Variants in CEMIP observed in about 807,000 individuals in gnomAD.
CEMIP encodes cell migration inducing hyaluronidase 1.
CEMIP carries 105 observed loss-of-function variants against 156.9 expected under a neutral mutation model. The ratio of observed to expected loss-of-function variants is 0.67; its 90% CI spans 0.57 to 0.79. The LOEUF (loss-of-function observed/expected upper bound fraction) is 0.79. Ranked by LOEUF, CEMIP falls within the 30% of genes least tolerant of loss-of-function variation. The pLI is 0.00. For synonymous variants in CEMIP, 676 were observed against 668.4 expected (o/e 1.01, Z -0.17); for missense variants, 1,457 against 1,769.4 (o/e 0.82, Z 3.17).
At chr15:80,924,837 T>G in intron 18 of CEMIP, 131 bp downstream of exon 18, 1 of 823,916 alleles carries the variant, frequency 1.2e-6, no homozygotes, top group Non-Finnish European at 2.1e-6. Flanking sequence ...TTTGAGCTAG[T>G]TGCTGGGGGT....
rs1215224679 is a variant in CEMIP, at chr15:80,950,258, GA to G, written c.*1337del. The G allele has an allele frequency of 6.6e-6, 1 of 152,304 alleles. No homozygotes were observed. Among genetic ancestry groups the G allele is most frequent in the Non-Finnish European group, 1.5e-5 (1 of 68,102 alleles). 9.4% of individuals were successfully genotyped at this position (152,304 alleles called of 1,614,324 possible). Reference sequence around the variant, plus strand: ...TGGGGAAAGTGAGCCCCCAAGATGGGAAAGAACCACACAGCTAAGGGAGGGC... The same window carrying G: ...TGGGGAAAGTGAGCCCCCAAGATGGGAAGAACCACACAGCTAAGGGAGGGC... On this transcript the variant is annotated 3_prime_UTR_variant, in exon 30 of 30. Transcript: ENST00000394685.
intron 19 of CEMIP, 97 bp from the exon 20 acceptor site, chr15:80,928,805 G>A: frequency 6.8e-7 from 1 of 1,480,336 alleles, no homozygotes; most frequent in Non-Finnish European, 9.4e-7. Flanking sequence ...ACGGTATTCA[G>A]TTTGACTCCA....
Position 80,931,840 on chromosome 15 carries a change from T to C in CEMIP, c.2613-19T>C, listed in dbSNP as rs1028776466. 5 of 1,611,652 alleles carry C rather than the reference T, an allele frequency of 3.1e-6. No homozygotes were observed. The highest frequency in any genetic ancestry group is 4.2e-6 in the Non-Finnish European group (5 of 1,177,796). ...ATGGAAAACATTTAGACTGACATCT[T>C]ACTTCCTTAACTCCGTAGGAATTTT... On this transcript the variant is annotated intron_variant, in intron 21 of 29. Transcript: ENST00000394685.
Position 80,949,025 on chromosome 15 carries a change from C to T in CEMIP, c.*101C>T. 6.6e-7 allele frequency: 1 copy of T among 1,515,126 alleles called. No individual in the cohort carries two copies. Among genetic ancestry groups the T allele is most frequent in the Non-Finnish European group, 9.1e-7 (1 of 1,095,550 alleles). The allele number at this position is 1,515,126 out of a possible 1,614,324, so 93.9% of individuals were successfully genotyped here. ...TGGGTCCCCCAGCCCCTGCCAGCAG[C>T]TGCCTGGGAAGGCCGTGTTTCAGCC... On this transcript the variant is annotated 3_prime_UTR_variant, in exon 30 of 30. Transcript: ENST00000394685.
intron 1 of CEMIP, among the ~76,000 whole-genome samples, chr15:80,845,949 C>T (rs1306260003): frequency 6.6e-6 from 1 of 152,184 alleles, no homozygotes; most frequent in African/African-American, 2.4e-5. Flanking sequence ...ACACACCCAC[C>T]TCAGACACTT....
chr15:80,897,092 C>T (rs565358146), intron 12 of CEMIP, among the ~76,000 whole-genome samples: 2 of 152,122 alleles, frequency 1.3e-5, no homozygotes, highest in South Asian at 4.2e-4. Flanking sequence ...AATGGCTGTT[C>T]CGCAAAGGAA....
At chr15:80,908,364 AT>A (rs1899894556) in intron 13 of CEMIP, among the ~76,000 whole-genome samples, 1 of 152,080 alleles carries the variant, frequency 6.6e-6, no homozygotes. Flanking sequence ...GTTGACACCT[AT>A]TTTTGGAAGA....
In CEMIP at chr15:80,901,531, G is replaced by A. The variant is rs567494022; in HGVS notation, c.1412-5132G>A. 7.0e-4 allele frequency among the ~76,000 whole-genome samples: 107 copies of A among 152,030 alleles called. 1 individual carries two copies. Among genetic ancestry groups the A allele is most frequent in the Middle Eastern group, 3.4e-3 (1 of 294 alleles). On this transcript the variant is annotated intron_variant, in intron 12 of 29. Transcript: ENST00000394685. ...AGCCTGGCCAACATAGTGAAACCCC[G>A]TCTCTACTAAAAATACAAAAATTAA... is the stretch of plus-strand genomic sequence containing the variant.
At position 80,950,519 on chromosome 15, in the gene CEMIP, A is replaced by G. The variant is rs1208194854; in HGVS notation, c.*1595A>G. ...CCCTGTGGCCTTCACTTTGTTCACT[A>G]CCTGTCAGCCCAGCCTGGGTGCACA... On this transcript the variant is annotated 3_prime_UTR_variant, in exon 30 of 30. Transcript: ENST00000394685. The G allele has an allele frequency of 1.3e-5, 2 of 152,202 alleles. No homozygotes were observed. The highest frequency in any genetic ancestry group is 1.9e-4 in the East Asian group (1 of 5,184). 9.4% of individuals were successfully genotyped at this position (152,202 alleles called of 1,614,324 possible). A position where few individuals can be genotyped will look rare whatever the true frequency, so the allele number is the denominator to read the frequency against.
At chr15:80,925,514 T>G in intron 18 of CEMIP, 110 bp from the exon 19 acceptor site, 1 of 1,462,972 alleles carries the variant, frequency 6.8e-7, no homozygotes, top group Non-Finnish European at 9.3e-7. Context: ...GTTCAGTCAA[T>G]GCCTTCCTGG....
chr15:80,865,685 T>C (rs1381613172), intron 1 of CEMIP, among the ~76,000 whole-genome samples: 2 of 149,888 alleles, frequency 1.3e-5, no homozygotes, highest in Non-Finnish European at 3.0e-5. Context: ...CATCAGCTAC[T>C]GTTAGTGTAT....
intron 7 of CEMIP, among the ~76,000 whole-genome samples, chr15:80,885,219 C>A (rs1185670631): frequency 6.6e-6 from 1 of 152,194 alleles, no homozygotes; most frequent in African/African-American, 2.4e-5. Flanking sequence ...TTACGATGCT[C>A]CTCCCTTCAG....
intron 14 of CEMIP, among the ~76,000 whole-genome samples, chr15:80,912,489 G>A (rs59864009): frequency 0.11 from 17,035 of 152,294 alleles, 1,058 homozygotes; most frequent in East Asian, 0.25. Context: ...GCCTCACTCA[G>A]CTTGATGGCC....
At chr15:80,824,678 G>A (rs1266737219) in intron 1 of CEMIP, among the ~76,000 whole-genome samples, 5 of 152,204 alleles carry the variant, frequency 3.3e-5, no homozygotes, top group African/African-American at 1.2e-4. Context: ...GCCCAACAGG[G>A]TGGCCGGTTC....
At chr15:80,851,299 C>A (rs1281391158) in intron 1 of CEMIP, among the ~76,000 whole-genome samples, 1 of 152,172 alleles carries the variant, frequency 6.6e-6, no homozygotes, top group African/African-American at 2.4e-5. Context: ...CAAATCTAAT[C>A]CCTCTCTAGG....
At chr15:80,828,892 G>C (rs529995126) in intron 1 of CEMIP, among the ~76,000 whole-genome samples, 1 of 152,222 alleles carries the variant, frequency 6.6e-6, no homozygotes. Flanking sequence ...AGCCAGGAGT[G>C]GGGTAGAAAT....
At chr15:80,923,208 G>T (rs142447346) in intron 17 of CEMIP, among the ~76,000 whole-genome samples, 60 of 152,156 alleles carry the variant, frequency 3.9e-4, no homozygotes, top group African/African-American at 1.4e-3. Context: ...AGAAAAGAGG[G>T]TAGTGTCATG....
intron 23 of CEMIP, among the ~76,000 whole-genome samples, chr15:80,933,975 T>TATC (rs1234156159): frequency 6.6e-6 from 1 of 152,250 alleles, no homozygotes; most frequent in Non-Finnish European, 1.5e-5. Context: ...TTAAAAATAC[T>TATC]ATCATTCAAA....
chr15:80,851,394 C>G (rs1205049036), intron 1 of CEMIP, among the ~76,000 whole-genome samples: 1 of 152,182 alleles, frequency 6.6e-6, no homozygotes, highest in East Asian at 1.9e-4. Context: ...CAAGCCTTTA[C>G]TGAATCCCTA....
Sources: gnomAD v4.1 joint callset for allele counts (sites outside exome capture counted in the v4.1 genomes callset) on GRCh38, gnomAD v4.1.1 for gene constraint, MANE v1.5 for transcripts, NCBI Gene and HGNC (gene_info 2026-07-23, HGNC 2026-07-21) for gene names.